The following SLC24A3 variants were observed in gnomAD, a reference collection of about 807,000 sequenced individuals.
SLC24A3 encodes the protein solute carrier family 24 member 3.
A neutral mutation model predicts 75.8 loss-of-function variants in SLC24A3; 28 were observed. The observed-to-expected ratio is 0.37, with a 90% CI of 0.27 to 0.51. The LOEUF (loss-of-function observed/expected upper bound fraction) is 0.51. Ranked by LOEUF, SLC24A3 falls within the 20% of genes least tolerant of loss-of-function variation. The pLI is 0.94. For missense variants in SLC24A3, 663 were observed against 847.8 expected (o/e 0.78, Z 2.71); for synonymous variants, 372 against 334.1 (o/e 1.11, Z -1.24).
At chr20:19,289,404 A>G (rs1983887151) in intron 2 of SLC24A3, among the ~76,000 whole-genome samples, 1 of 152,210 alleles carries the variant, frequency 6.6e-6, no homozygotes. Flanking sequence ...GGGGTTCCAC[A>G]GTAAAGCAGC....
intron 6 of SLC24A3, among the ~76,000 whole-genome samples, chr20:19,595,715 C>G (rs565062262): frequency 6.6e-6 from 1 of 152,294 alleles, no homozygotes; most frequent in Admixed American, 6.5e-5. Flanking sequence ...TGGGAGAACA[C>G]AGGCAAGGAG....
intron 1 of SLC24A3, among the ~76,000 whole-genome samples, chr20:19,218,236 A>C (rs975358651): frequency 6.6e-6 from 1 of 152,200 alleles, no homozygotes; most frequent in Non-Finnish European, 1.5e-5. Flanking sequence ...ATGATTTATT[A>C]GGTTGGCGCA....
At chr20:19,473,729 G>T (rs1025596425) in intron 2 of SLC24A3, among the ~76,000 whole-genome samples, 1 of 152,244 alleles carries the variant, frequency 6.6e-6, no homozygotes, top group Admixed American at 6.5e-5. Context: ...GCTGTCCACA[G>T]AGGGTCTGGC....
At chr20:19,716,615 T>A (rs1195294232) in intron 15 of SLC24A3, among the ~76,000 whole-genome samples, 1 of 151,980 alleles carries the variant, frequency 6.6e-6, no homozygotes, top group Non-Finnish European at 1.5e-5. Context: ...TGAGAGCATG[T>A]TGGGCTGCTT....
chr20:19,245,065 T>C lies in SLC24A3; in HGVS notation c.142+32081T>C, dbSNP rs969034671. Among the ~76,000 whole-genome samples, 3 of 152,252 alleles carry C rather than the reference T, an allele frequency of 2.0e-5. No homozygotes were observed. In the East Asian group the frequency reaches 5.8e-4, roughly 29 times the overall value. On this transcript the variant is annotated intron_variant, in intron 1 of 16. Coordinates refer to ENST00000328041, the MANE Select transcript of SLC24A3 (RefSeq NM_020689.4). ...CTTTTGATTAATAAACAGGGGACTG[T>C]ATGGTAAATCCGCTTCTCACAAAAT...
rs2031707280 is a variant in SLC24A3, at chr20:19,614,257, T to TTAA, written c.612+28722_612+28724dup. 2.6e-5 allele frequency among the ~76,000 whole-genome samples: 4 copies of TTAA among 152,344 alleles called. No homozygotes were observed. In the South Asian group the frequency reaches 8.3e-4, roughly 32 times the overall value. On this transcript the variant is annotated intron_variant, in intron 6 of 16. Transcript: ENST00000328041. ...TCAGTTTCCTCAACTGTAAAATGGA[T>TTAA]TAATAATAATAGCTTTACCTCATGG... is the stretch of plus-strand genomic sequence containing the variant.
chr20:19,503,356 CTCTTT>C (rs1465659569), intron 2 of SLC24A3, among the ~76,000 whole-genome samples: 3 of 152,288 alleles, frequency 2.0e-5, no homozygotes, highest in African/African-American at 7.2e-5. Flanking sequence ...ATTAATTATG[CTCTTT>C]TCTTAATTTC....
At chr20:19,478,184 A>T (rs1190764869) in intron 2 of SLC24A3, among the ~76,000 whole-genome samples, 1 of 152,194 alleles carries the variant, frequency 6.6e-6, no homozygotes. Context: ...GTCCTGTCTC[A>T]GCCTTCCTGA....
At position 19,212,837 on chromosome 20, in the gene SLC24A3, C is replaced by T. The variant is rs1981440656; in HGVS notation, c.-6C>T. ...CCCGCCGAGGCCGCCGCCCGGCCGC[C>T]CGAGGATGCGGCCGTCCGGCGACGA... is the stretch of plus-strand genomic sequence containing the variant. On this transcript the variant is annotated 5_prime_UTR_variant, in exon 1 of 17. Coordinates refer to ENST00000328041, the MANE Select transcript of SLC24A3 (RefSeq NM_020689.4). 9.7e-7 allele frequency: 1 copy of T among 1,028,696 alleles called. No homozygotes were observed. Among genetic ancestry groups the T allele is most frequent in the East Asian group, 7.6e-5 (1 of 13,194 alleles). 63.7% of individuals were successfully genotyped at this position (1,028,696 alleles called of 1,614,324 possible).
intron 3 of SLC24A3, among the ~76,000 whole-genome samples, chr20:19,554,605 G>A (rs1288232219): frequency 6.6e-6 from 1 of 152,318 alleles, no homozygotes; most frequent in South Asian, 2.1e-4. Flanking sequence ...TTGTTGTTAA[G>A]CCTAAATAGG....
chr20:19,317,829 G>A (rs1203531787), intron 2 of SLC24A3, among the ~76,000 whole-genome samples: 1 of 152,116 alleles, frequency 6.6e-6, no homozygotes, highest in African/African-American at 2.4e-5. Context: ...AGGTGCCCTC[G>A]GGCATCACAG....
At chr20:19,326,371 A>G (rs1179262151) in intron 2 of SLC24A3, among the ~76,000 whole-genome samples, 1 of 151,984 alleles carries the variant, frequency 6.6e-6, no homozygotes, top group African/African-American at 2.4e-5. Flanking sequence ...ATGGGCTGGG[A>G]GAGAACTACG....
At position 19,369,409 on chromosome 20, in the gene SLC24A3, A is replaced by G. The variant is rs1439366457; in HGVS notation, c.271+88322A>G. Among the ~76,000 whole-genome samples the G allele has an allele frequency of 3.3e-5, 5 of 152,218 alleles. No homozygotes were observed. The East Asian group carries it at 9.6e-4, about 29-fold the overall frequency. On this transcript the variant is annotated intron_variant, in intron 2 of 16. Transcript: ENST00000328041. ...ATGTCAAGGGCATGAAAGACAAAGCAAGATGGAGGAACTGTCCCAGATTAG... is the reference window on the plus strand; with the variant it reads ...ATGTCAAGGGCATGAAAGACAAAGCGAGATGGAGGAACTGTCCCAGATTAG...
At chr20:19,229,758 C>T (rs1436486133) in intron 1 of SLC24A3, among the ~76,000 whole-genome samples, 2 of 152,072 alleles carry the variant, frequency 1.3e-5, no homozygotes, top group Non-Finnish European at 2.9e-5. Flanking sequence ...AGTTATTTGG[C>T]TGTGTCTTCA....
intron 2 of SLC24A3, among the ~76,000 whole-genome samples, chr20:19,395,097 A>G (rs545377840): frequency 2.9e-4 from 44 of 152,348 alleles, no homozygotes; most frequent in Non-Finnish European, 5.6e-4. Context: ...TAAAAAGACA[A>G]ATACTATATG....
At chr20:19,265,376 A>T (rs934895098) in intron 1 of SLC24A3, among the ~76,000 whole-genome samples, 1 of 152,196 alleles carries the variant, frequency 6.6e-6, no homozygotes, top group African/African-American at 2.4e-5. Flanking sequence ...TGTTCATGGC[A>T]TGGGGAGGGA....
chr20:19,629,206 G>T (rs1422582281), intron 6 of SLC24A3, among the ~76,000 whole-genome samples: 1 of 151,744 alleles, frequency 6.6e-6, no homozygotes, highest in Non-Finnish European at 1.5e-5. Flanking sequence ...TCAGCAAAAA[G>T]AAACTATAAA....
At chr20:19,399,075 G>A (rs1345726591) in intron 2 of SLC24A3, among the ~76,000 whole-genome samples, 1 of 152,020 alleles carries the variant, frequency 6.6e-6, no homozygotes, top group Non-Finnish European at 1.5e-5. Context: ...TTGACATAAG[G>A]TTGTTGAAAT....
At chr20:19,448,952 C>A (rs1186892616) in intron 2 of SLC24A3, among the ~76,000 whole-genome samples, 1 of 152,240 alleles carries the variant, frequency 6.6e-6, no homozygotes, top group African/African-American at 2.4e-5. Flanking sequence ...GAAAGTGCAA[C>A]TGAACAGCAG....
Sources: allele counts gnomAD v4.1 joint callset (sites outside exome capture counted in the v4.1 genomes callset), GRCh38; gene constraint gnomAD v4.1.1; transcripts MANE v1.5; gene names NCBI Gene and HGNC (gene_info 2026-07-23, HGNC 2026-07-21).